Variants in BRINP3 observed in about 807,000 individuals in gnomAD.
The protein encoded by BRINP3 is BMP/retinoic acid-inducible neural-specific protein 3.
A neutral mutation model predicts 71.0 loss-of-function variants in BRINP3; 19 were observed. The ratio of observed to expected loss-of-function variants is 0.27; its 90% confidence interval spans 0.19 to 0.39. The LOEUF is 0.39. Ranked by LOEUF, BRINP3 falls within the 10% of genes least tolerant of loss-of-function variation. The probability of loss-of-function intolerance (pLI) is 1.00; values close to 1 mark genes in which losing one functional copy is unlikely to be tolerated. For missense variants in BRINP3, 959 were observed against 940.8 expected (o/e 1.02, Z -0.25); for synonymous variants, 380 against 337.7 (o/e 1.13, Z -1.37).
At chr1:190,174,883 T>C (rs1237431781) in intron 6 of BRINP3, among the ~76,000 whole-genome samples, 1 of 152,122 alleles carries the variant, frequency 6.6e-6, no homozygotes, top group African/African-American at 2.4e-5. Context: ...TCATGTGATT[T>C]TTCCCCTGAA....
chr1:190,407,299 C>A lies in BRINP3; in HGVS notation c.236+47356G>T, dbSNP rs1431898932. On this transcript the variant is annotated intron_variant, in intron 2 of 7. Coordinates refer to ENST00000367462, the MANE Select transcript of BRINP3 (RefSeq NM_199051.3). ...CAATTTATTGATGAAAAATATGCAT[C>A]CTGGATTATTTCTGCCATATAAGTC... 4.6e-5 allele frequency among the ~76,000 whole-genome samples: 7 copies of A among 152,206 alleles called. No homozygotes were observed. The East Asian group carries it at 1.4e-3, about 29-fold the overall frequency.
At chr1:190,159,383 T>C (rs1410814144) in intron 7 of BRINP3, among the ~76,000 whole-genome samples, 2 of 152,156 alleles carry the variant, frequency 1.3e-5, no homozygotes, top group East Asian at 1.9e-4. Context: ...CCCAAGAAAA[T>C]TGAAACATAT....
chr1:190,231,558 T>C (rs1004927032), intron 5 of BRINP3, among the ~76,000 whole-genome samples: 2 of 151,870 alleles, frequency 1.3e-5, no homozygotes, highest in African/African-American at 4.8e-5. Context: ...GGTTATACTT[T>C]CACTCAGAGG....
intron 2 of BRINP3, among the ~76,000 whole-genome samples, chr1:190,345,836 A>G (rs1388363345): frequency 6.6e-6 from 1 of 151,924 alleles, no homozygotes; most frequent in African/African-American, 2.4e-5. Context: ...TCTTTAGAAC[A>G]TTCATTGGAA....
At chr1:190,341,813 C>G (rs1004037670) in intron 2 of BRINP3, among the ~76,000 whole-genome samples, 1 of 151,802 alleles carries the variant, frequency 6.6e-6, no homozygotes, top group South Asian at 2.1e-4. Flanking sequence ...GGAAGCAATA[C>G]TAACACTTTC....
At chr1:190,419,894 A>G (rs529318230) in intron 2 of BRINP3, among the ~76,000 whole-genome samples, 1 of 151,954 alleles carries the variant, frequency 6.6e-6, no homozygotes, top group Admixed American at 6.6e-5. Flanking sequence ...TCAATATGAC[A>G]ATGAAACCAA....
intron 2 of BRINP3, among the ~76,000 whole-genome samples, chr1:190,400,195 C>T (rs963118578): frequency 6.6e-6 from 1 of 152,030 alleles, no homozygotes; most frequent in African/African-American, 2.4e-5. Context: ...TTATAACAAA[C>T]CTCAAACTGG....
intron 2 of BRINP3, among the ~76,000 whole-genome samples, chr1:190,341,857 C>A (rs1477129896): frequency 1.3e-5 from 2 of 151,794 alleles, no homozygotes; most frequent in Non-Finnish European, 2.9e-5. Context: ...CCTGTTTCTA[C>A]CTAACAAATT....
At chr1:190,433,682 A>G (rs1038721898) in intron 2 of BRINP3, among the ~76,000 whole-genome samples, 1 of 152,126 alleles carries the variant, frequency 6.6e-6, no homozygotes. Context: ...TTATTATGCT[A>G]TCTACCTATC....
At chr1:190,284,521 A>T (rs182299028) in intron 2 of BRINP3, among the ~76,000 whole-genome samples, 1 of 152,124 alleles carries the variant, frequency 6.6e-6, no homozygotes, top group East Asian at 1.9e-4. Context: ...TAGTTAGCCC[A>T]ACTCCTCTAC....
rs367841121 is a variant in BRINP3 at position 190,234,379 on chromosome 1, C to G, written c.717G>C (p.Gln239His). The change falls in exon 5 of 8, where the codon CAG (glutamine) becomes CAC (histidine). Residue 239 changes from glutamine to histidine, a missense_variant. Gln to His is a conservative substitution (Grantham distance 24, BLOSUM62 0). Coordinates refer to ENST00000367462, the MANE Select transcript of BRINP3 (RefSeq NM_199051.3). ...GAAATTTTACCAACATACCTTGCAA[C>G]TGAATCTTATTCTCAGGACTCTGAA... ...VLVQSPENKI[Q>H]LQGLQVLLPD... The G allele has an allele frequency of 6.2e-7, 1 of 1,607,132 alleles. No homozygotes were observed. Among genetic ancestry groups the G allele is most frequent in the African/African-American group, 1.3e-5 (1 of 74,804 alleles).
At chr1:190,352,841 C>CTG (rs777748241) in intron 2 of BRINP3, among the ~76,000 whole-genome samples, 3 of 138,182 alleles carry the variant, frequency 2.2e-5, no homozygotes, top group Non-Finnish European at 4.6e-5. Context: ...AACAGATATT[C>CTG]TCTCTCTCTC....
intron 2 of BRINP3, among the ~76,000 whole-genome samples, chr1:190,319,592 A>G (rs1346610260): frequency 6.6e-6 from 1 of 152,130 alleles, no homozygotes; most frequent in Non-Finnish European, 1.5e-5. Flanking sequence ...GCTTCAAATC[A>G]TGGTGGAAGG....
intron 6 of BRINP3, among the ~76,000 whole-genome samples, chr1:190,214,471 C>G (rs1335514529): frequency 6.6e-6 from 1 of 151,978 alleles, no homozygotes; most frequent in Non-Finnish European, 1.5e-5. Context: ...TGATTTAGAA[C>G]AGTGCACTGT....
At chr1:190,167,070 T>A (rs1651619779) in intron 6 of BRINP3, among the ~76,000 whole-genome samples, 1 of 151,994 alleles carries the variant, frequency 6.6e-6, no homozygotes, top group Non-Finnish European at 1.5e-5. Flanking sequence ...ATGAGTAGGT[T>A]TCCCTACTTT....
intron 2 of BRINP3, among the ~76,000 whole-genome samples, chr1:190,393,908 A>G (rs921797277): frequency 6.6e-6 from 1 of 151,672 alleles, no homozygotes; most frequent in Non-Finnish European, 1.5e-5. Flanking sequence ...CCAAGAAAGT[A>G]AGAAATATAT....
rs138915945 is a variant in BRINP3, at chr1:190,302,267, T to G, written c.237-20517A>C. 4.7e-3 allele frequency among the ~76,000 whole-genome samples: 686 copies of G among 147,432 alleles called. 4 individuals carry two copies. Among genetic ancestry groups the G allele is most frequent in the Middle Eastern group, 0.014 (4 of 276 alleles). On this transcript the variant is annotated intron_variant, in intron 2 of 7. Coordinates refer to ENST00000367462, the MANE Select transcript of BRINP3 (RefSeq NM_199051.3). ...CATAAATTTATATATATATTTTATA[T>G]ATATATAAATGTATATATATATATT...
At chr1:190,376,120 C>A (rs1670166996) in intron 2 of BRINP3, among the ~76,000 whole-genome samples, 1 of 151,726 alleles carries the variant, frequency 6.6e-6, no homozygotes, top group African/African-American at 2.4e-5. Flanking sequence ...ACTAATTCTG[C>A]CTCTTCAGGG....
chr1:190,143,706 T>C (rs1655648458), intron 7 of BRINP3, among the ~76,000 whole-genome samples: 1 of 152,154 alleles, frequency 6.6e-6, no homozygotes, highest in African/African-American at 2.4e-5. Context: ...GTATCAACTC[T>C]TACACTGCTA....
Sources: gnomAD v4.1 joint callset for allele counts (sites outside exome capture counted in the v4.1 genomes callset) on GRCh38, gnomAD v4.1.1 for gene constraint, MANE v1.5 for transcripts, NCBI Gene and HGNC (gene_info 2026-07-23, HGNC 2026-07-21) for gene names.